Variants in ERLIN1 observed in about 807,000 individuals in gnomAD.
ERLIN1 encodes the protein ER lipid raft associated 1, also known as erlin-1.
A neutral mutation model predicts 46.9 loss-of-function variants in ERLIN1; 24 were observed. The ratio of observed to expected loss-of-function variants is 0.51; its 90% CI spans 0.37 to 0.72. The LOEUF (loss-of-function observed/expected upper bound fraction) is 0.72. ERLIN1 is among the 30% of genes least tolerant of loss of function. ERLIN1 has a pLI of 0.00. For missense variants in ERLIN1, 293 were observed against 417.9 expected (o/e 0.70, Z 2.61); for synonymous variants, 158 against 143.2 (o/e 1.10, Z -0.74).
At chr10:100,176,273 T>TGCCAAACACCTGCTGGTTAGCCC in intron 4 of ERLIN1, among the ~76,000 whole-genome samples, 1 of 152,226 alleles carries the variant, frequency 6.6e-6, no homozygotes, top group African/African-American at 2.4e-5. Flanking sequence ...GTAATACTAA[T>TGCCAAACACCTGCTGGTTAGCCC]GCCAAACACC....
chr10:100,176,417 G>A (rs1844306530), intron 4 of ERLIN1, among the ~76,000 whole-genome samples: 1 of 152,172 alleles, frequency 6.6e-6, no homozygotes, highest in African/African-American at 2.4e-5. Flanking sequence ...GGCCAGCAGT[G>A]TGAAGATGAA....
At chr10:100,164,470 G>A (rs1262356112) in intron 7 of ERLIN1, among the ~76,000 whole-genome samples, 4 of 152,200 alleles carry the variant, frequency 2.6e-5, no homozygotes, top group African/African-American at 7.2e-5. Context: ...GGCACCAGCC[G>A]TTTCTACAGT....
At chr10:100,174,509 A>G (rs1306346138) in intron 5 of ERLIN1, among the ~76,000 whole-genome samples, 1 of 152,228 alleles carries the variant, frequency 6.6e-6, no homozygotes, top group African/African-American at 2.4e-5. Flanking sequence ...CTGTTTATCC[A>G]ATAAGTTTAC....
At chr10:100,164,233 G>T in intron 7 of ERLIN1, 138 bp from the exon 8 acceptor site, 5 of 563,736 alleles carry the variant, frequency 8.9e-6, no homozygotes, top group Non-Finnish European at 1.6e-5. Context: ...GTTAAGAGAG[G>T]TGTTACTTTA....
At chr10:100,172,344 A>C (rs1844051484) in intron 6 of ERLIN1, among the ~76,000 whole-genome samples, 1 of 152,214 alleles carries the variant, frequency 6.6e-6, no homozygotes, top group Non-Finnish European at 1.5e-5. Flanking sequence ...AGATATAACA[A>C]ATGATGTTAT....
rs762832243 is a variant in ERLIN1, at chr10:100,152,085, C to T, written c.*46G>A. 7.6e-6 allele frequency: 9 copies of T among 1,190,844 alleles called. No individual in the cohort carries two copies. The East Asian group carries it at 1.6e-4, about 22-fold the overall frequency. 73.8% of individuals were successfully genotyped at this position (1,190,844 alleles called of 1,614,324 possible). A position where few individuals can be genotyped will look rare whatever the true frequency, so the allele number is the denominator to read the frequency against. ...CCGTATAATGATTGTTCCCACTTAA[C>T]CCCTTGGGCCACATCTTGATATGGA... On this transcript the variant is annotated 3_prime_UTR_variant, in exon 11 of 11. Transcript: ENST00000421367.
rs376311270 is a variant in ERLIN1, at chr10:100,185,609, G to A, written c.18C>T (p.Ala6=). MNMTQ[A]RVLVAAVVGL... is the part of the protein sequence containing the mutation. The stretch of plus-strand genomic sequence containing the variant: ...CCACCACTGCAGCCACCAGAACCCG[G>A]GCTTGAGTCATATTCATTCTCGTTC... The change falls in exon 1 of 11, where the codon GCC becomes GCT. Residue 6 remains alanine, a synonymous_variant. Transcript: ENST00000421367. 6.2e-7 allele frequency: 1 copy of A among 1,613,830 alleles called. No homozygotes were observed. Among genetic ancestry groups the A allele is most frequent in the African/African-American group, 1.3e-5 (1 of 74,920 alleles).
intron 8 of ERLIN1, among the ~76,000 whole-genome samples, chr10:100,160,923 G>T (rs1589521034): frequency 1.3e-5 from 2 of 152,146 alleles, no homozygotes; most frequent in East Asian, 3.8e-4. Context: ...CTCCAGCCTG[G>T]GTGGCAAAGC....
intron 6 of ERLIN1, among the ~76,000 whole-genome samples, chr10:100,172,824 C>T (rs1844079834): frequency 6.6e-6 from 1 of 152,132 alleles, no homozygotes; most frequent in Non-Finnish European, 1.5e-5. Flanking sequence ...AAACTGGGAA[C>T]AGAAAAATGG....
At chr10:100,155,151 G>A (rs1414605143) in intron 9 of ERLIN1, among the ~76,000 whole-genome samples, 1 of 152,120 alleles carries the variant, frequency 6.6e-6, no homozygotes, top group Non-Finnish European at 1.5e-5. Flanking sequence ...GAGCCTACTT[G>A]TTTTCTACTC....
At chr10:100,179,613 C>T (rs977173974) in intron 2 of ERLIN1, among the ~76,000 whole-genome samples, 6 of 138,368 alleles carry the variant, frequency 4.3e-5, no homozygotes, top group African/African-American at 1.8e-4. Context: ...TGCACCACTA[C>T]GCTCAGCTAA....
chr10:100,174,043 C>A (rs542670834), intron 6 of ERLIN1, among the ~76,000 whole-genome samples, 165 bp downstream of exon 6: 1 of 152,214 alleles, frequency 6.6e-6, no homozygotes, highest in East Asian at 1.9e-4. Flanking sequence ...TAGTAAGCTA[C>A]AAGAGTATTT....
chr10:100,177,503 C>A (rs1844378945), intron 4 of ERLIN1, among the ~76,000 whole-genome samples: 1 of 152,110 alleles, frequency 6.6e-6, no homozygotes, highest in Non-Finnish European at 1.5e-5. Context: ...AAAATTAAAA[C>A]CCCTGAAGGC....
At chr10:100,171,277 T>C (rs572611056) in intron 6 of ERLIN1, among the ~76,000 whole-genome samples, 14 of 152,206 alleles carry the variant, frequency 9.2e-5, no homozygotes, top group East Asian at 1.9e-4. Flanking sequence ...AAGAAAAAAT[T>C]TGAAGAAAAT....
chr10:100,184,337 T>C (rs1388814178), intron 1 of ERLIN1, among the ~76,000 whole-genome samples: 1 of 152,042 alleles, frequency 6.6e-6, no homozygotes, highest in Non-Finnish European at 1.5e-5. Context: ...AACATAAAAT[T>C]TCTATATAAA....
intron 6 of ERLIN1, among the ~76,000 whole-genome samples, chr10:100,167,872 A>G (rs1843734155): frequency 6.6e-6 from 1 of 152,262 alleles, no homozygotes; most frequent in African/African-American, 2.4e-5. Flanking sequence ...AGTAGTGAGT[A>G]AATTAATCTA....
At chr10:100,165,842 C>T (rs928321178) in intron 7 of ERLIN1, among the ~76,000 whole-genome samples, 3 of 152,206 alleles carry the variant, frequency 2.0e-5, no homozygotes, top group Admixed American at 2.0e-4. Flanking sequence ...TCTCCTACCT[C>T]AGCCTCCCCA....
chr10:100,170,084 G>A (rs1319634986), intron 6 of ERLIN1, among the ~76,000 whole-genome samples: 3 of 152,076 alleles, frequency 2.0e-5, no homozygotes, highest in Admixed American at 1.3e-4. Context: ...TGAAAATATC[G>A]ATAATGAAAA....
intron 8 of ERLIN1, among the ~76,000 whole-genome samples, chr10:100,161,128 C>G (rs1030940611): frequency 7.9e-5 from 12 of 152,046 alleles, no homozygotes; most frequent in Admixed American, 7.9e-4. Context: ...TAGCCTAAAG[C>G]AGTAAGACAG....
Sources: gnomAD v4.1 joint callset for allele counts (sites outside exome capture counted in the v4.1 genomes callset) on GRCh38, gnomAD v4.1.1 for gene constraint, MANE v1.5 for transcripts, NCBI Gene and HGNC (gene_info 2026-07-23, HGNC 2026-07-21) for gene names.